Variants in ANKRD12 observed in about 807,000 individuals in gnomAD.
The protein encoded by ANKRD12 is ankyrin repeat domain 12.
In ANKRD12, 85 loss-of-function variants were observed where a neutral mutation model predicts 183.4. That is an observed-to-expected ratio of 0.46 (90% CI 0.39 to 0.56). The LOEUF (loss-of-function observed/expected upper bound fraction) is 0.56. Ranked by LOEUF, ANKRD12 falls within the 20% of genes least tolerant of loss-of-function variation. The pLI is 0.00. For missense variants in ANKRD12, 2,405 were observed against 2,357.1 expected, an observed-to-expected ratio of 1.02 and a Z score of -0.42; for synonymous variants, 914 against 800.2, an observed-to-expected ratio of 1.14 and a Z score of -2.40.
chr18:9,168,148 G>A (rs917015038), intron 1 of ANKRD12, among the ~76,000 whole-genome samples: 17 of 152,130 alleles, frequency 1.1e-4, no homozygotes, highest in African/African-American at 3.4e-4. Context: ...TTTTGCATCA[G>A]TGTTCATCAA....
chr18:9,198,475 G>T (rs1164041107), intron 3 of ANKRD12, among the ~76,000 whole-genome samples: 1 of 152,156 alleles, frequency 6.6e-6, no homozygotes, highest in Non-Finnish European at 1.5e-5. Flanking sequence ...TTTGTTTAAG[G>T]TAAATAGGAC....
At chr18:9,210,402 A>G (rs979388115) in intron 5 of ANKRD12, among the ~76,000 whole-genome samples, 2 of 151,998 alleles carry the variant, frequency 1.3e-5, no homozygotes, top group East Asian at 3.8e-4. Context: ...GTAGGAAACT[A>G]TTACCGAGAC....
chr18:9,204,237 A>G (rs549010206), intron 3 of ANKRD12, among the ~76,000 whole-genome samples: 16 of 152,272 alleles, frequency 1.1e-4, no homozygotes, highest in Non-Finnish European at 1.8e-4. Flanking sequence ...AATACCTGTT[A>G]TTGAAACTGC....
chr18:9,255,066 G>T lies in ANKRD12; in HGVS notation c.1799G>T (p.Cys600Phe). The change falls in exon 9 of 13, where the codon TGT becomes TTT. Residue 600 changes from cysteine (C) to phenylalanine (F), a missense_variant. Cys to Phe is a radical substitution (Grantham distance 205). Coordinates refer to ENST00000262126, the MANE Select transcript of ANKRD12 (RefSeq NM_015208.5). ...FLPESSSVKS[C>F]KHKEKSKHQK... ...CCAGAAAGTTCAAGTGTAAAATCTT[G>T]TAAGCATAAGGAAAAAAGCAAACAT... is the stretch of plus-strand genomic sequence containing the variant. 6.3e-7 allele frequency: 1 copy of T among 1,585,278 alleles called. No homozygotes were observed. Among genetic ancestry groups the T allele is most frequent in the South Asian group, 1.2e-5 (1 of 85,230 alleles).
chr18:9,260,720 A>G (rs569423917), intron 9 of ANKRD12, among the ~76,000 whole-genome samples: 10 of 152,322 alleles, frequency 6.6e-5, no homozygotes, highest in African/African-American at 1.9e-4. Context: ...TAAAAGATAG[A>G]TGGGGAAAAC....
At chr18:9,184,330 G>A (rs890145320) in intron 2 of ANKRD12, among the ~76,000 whole-genome samples, 16 of 152,130 alleles carry the variant, frequency 1.1e-4, no homozygotes, top group Non-Finnish European at 2.2e-4. Context: ...TATAAGGCAA[G>A]TCTTCAGCCA....
chr18:9,197,610 C>T (rs1457022490), intron 3 of ANKRD12, among the ~76,000 whole-genome samples: 1 of 152,072 alleles, frequency 6.6e-6, no homozygotes, highest in Non-Finnish European at 1.5e-5. Context: ...TTACTGTTAC[C>T]TGAGATGACG....
intron 1 of ANKRD12, among the ~76,000 whole-genome samples, chr18:9,172,667 T>C (rs2032855556): frequency 6.6e-6 from 1 of 152,186 alleles, no homozygotes; most frequent in Non-Finnish European, 1.5e-5. Context: ...TGCAACATGC[T>C]CCTTTAGCTC....
chr18:9,278,921 A>G (rs1425060553), intron 11 of ANKRD12, among the ~76,000 whole-genome samples: 1 of 152,142 alleles, frequency 6.6e-6, no homozygotes, highest in Non-Finnish European at 1.5e-5. Flanking sequence ...TGAGGGCTTT[A>G]TAGACACTTT....
intron 8 of ANKRD12, chr18:9,235,577 T>G (rs2037298506): frequency 4.4e-6 from 2 of 454,870 alleles, no homozygotes; most frequent in Non-Finnish European, 8.8e-6. Context: ...GATGAAAGAA[T>G]ATACTGTACT....
chr18:9,235,428 A>G (rs2037288945), intron 8 of ANKRD12, among the ~76,000 whole-genome samples: 1 of 152,244 alleles, frequency 6.6e-6, no homozygotes, highest in Non-Finnish European at 1.5e-5. Flanking sequence ...AAGTATCTTT[A>G]TAATATTAAT....
At chr18:9,220,391 G>A (rs1054725545) in intron 7 of ANKRD12, among the ~76,000 whole-genome samples, 2 of 152,156 alleles carry the variant, frequency 1.3e-5, no homozygotes, top group African/African-American at 2.4e-5. Flanking sequence ...GCTTATGTAT[G>A]ATAGAACACA....
chr18:9,215,309 C>G (rs987176478), intron 6 of ANKRD12, among the ~76,000 whole-genome samples: 1 of 152,072 alleles, frequency 6.6e-6, no homozygotes, highest in Non-Finnish European at 1.5e-5. Flanking sequence ...AGGACTGCCC[C>G]CTGAACCCTG....
rs1598610505 is a variant in ANKRD12, at chr18:9,224,042, C to T, written c.943+2043C>T. Among the ~76,000 whole-genome samples the T allele has an allele frequency of 2.0e-5, 3 of 152,016 alleles. No individual in the cohort carries two copies. The East Asian group carries it at 5.8e-4, about 29-fold the overall frequency. The stretch of plus-strand genomic sequence containing the variant: ...AAGTATTATATAAAGAAACAAATGT[C>T]CTAATATTTCTAGACAATATAGCAG... On this transcript the variant is annotated intron_variant, in intron 8 of 12. Transcript: ENST00000262126.
At chr18:9,204,160 G>A (rs2035345688) in intron 3 of ANKRD12, among the ~76,000 whole-genome samples, 3 of 152,156 alleles carry the variant, frequency 2.0e-5, no homozygotes, top group Admixed American at 2.0e-4. Context: ...CTCTTTTACT[G>A]TTATTCAGAA....
chr18:9,250,349 T>C (rs1274546522), intron 8 of ANKRD12: 1 of 152,196 alleles, frequency 6.6e-6, no homozygotes, highest in Admixed American at 6.5e-5. Context: ...TCACGTTGTT[T>C]AAGGTGATCT....
chr18:9,206,773 T>C (rs536117949), intron 4 of ANKRD12, among the ~76,000 whole-genome samples: 1 of 152,246 alleles, frequency 6.6e-6, no homozygotes, highest in East Asian at 1.9e-4. Flanking sequence ...TATATAAGTA[T>C]CTTTTTACTG....
intron 6 of ANKRD12, among the ~76,000 whole-genome samples, chr18:9,216,015 CTTTTTTTTTTT>C (rs36084675): frequency 7.1e-6 from 1 of 141,308 alleles, no homozygotes; most frequent in African/African-American, 2.6e-5. Context: ...GCTGCTTTTA[CTTTTTTTTTTT>C]TTTTTTAAAC....
chr18:9,259,533 G>A (rs1318452640), intron 9 of ANKRD12: 1 of 152,100 alleles, frequency 6.6e-6, no homozygotes, highest in African/African-American at 2.4e-5. Flanking sequence ...CAAAGGTGAT[G>A]TAATTCAAGT....
Sources: gnomAD v4.1 joint callset for allele counts (sites outside exome capture counted in the v4.1 genomes callset) on GRCh38, gnomAD v4.1.1 for gene constraint, MANE v1.5 for transcripts, NCBI Gene and HGNC (gene_info 2026-07-23, HGNC 2026-07-21) for gene names.